The following DNAAF4 variants were observed in gnomAD, a reference collection of about 807,000 sequenced individuals.
The protein encoded by DNAAF4 is dynein axonemal assembly factor 4, also known as dynein assembly factor 4, axonemal.
A neutral mutation model predicts 51.8 loss-of-function variants in DNAAF4; 43 were observed. The observed-to-expected ratio is 0.83, with a 90% CI of 0.65 to 1.07. The LOEUF (loss-of-function observed/expected upper bound fraction) is 1.07, where lower values mean the gene tolerates loss of function less well. Ranked by LOEUF, DNAAF4 falls within the 50% of genes least tolerant of loss-of-function variation. The probability of loss-of-function intolerance (pLI) is 0.00; values close to 1 mark genes in which losing one functional copy is unlikely to be tolerated. For synonymous variants in DNAAF4, 194 were observed against 165.6 expected (o/e 1.17, Z -1.32); for missense variants, 581 against 493.0 (o/e 1.18, Z -1.69).
At position 55,497,738 on chromosome 15, in the gene DNAAF4, A is replaced by C; in HGVS notation, c.245T>G (p.Met82Arg). The change falls in exon 3 of 10, where the codon ATG becomes AGG. Residue 82 changes from methionine to arginine, a missense_variant. By Grantham distance (91) the Met-to-Arg change is moderately conservative (BLOSUM62 -1). Transcript: ENST00000321149. Reference protein sequence around the residue: ...VFTLYKKEAAMWETLSVTGVD... With the variant: ...VFTLYKKEAARWETLSVTGVD... ...ACCCGTCACAGAAAGGGTCTCCCAC[A>C]TGGCCGCTTCTTTTTTATACAAGGT... is the stretch of plus-strand genomic sequence containing the variant. 1 of 1,612,858 alleles carries C rather than the reference A, an allele frequency of 6.2e-7. No homozygotes were observed. The highest frequency in any genetic ancestry group is 8.5e-7 in the Non-Finnish European group (1 of 1,179,600).
chr15:55,422,997 A>AAAATAAAT (rs372582536), intron 7 of DNAAF4, among the ~76,000 whole-genome samples: 105 of 151,346 alleles, frequency 6.9e-4, no homozygotes, highest in East Asian at 9.9e-4. Flanking sequence ...CTCCGTCTCA[A>AAAATAAAT]AAATAAATAA....
intron 4 of DNAAF4, among the ~76,000 whole-genome samples, chr15:55,484,650 G>T (rs889876010): frequency 2.7e-4 from 41 of 152,136 alleles, no homozygotes; most frequent in African/African-American, 8.9e-4. Flanking sequence ...AGTATAGATA[G>T]ATATATATAA....
chr15:55,456,513 C>T (rs1377649005), intron 5 of DNAAF4, among the ~76,000 whole-genome samples: 1 of 152,144 alleles, frequency 6.6e-6, no homozygotes, highest in Non-Finnish European at 1.5e-5. Context: ...TAACATGCAG[C>T]TGCCACCTGG....
chr15:55,450,820 G>A (rs932518439), intron 5 of DNAAF4, among the ~76,000 whole-genome samples: 4 of 152,178 alleles, frequency 2.6e-5, no homozygotes, highest in African/African-American at 7.2e-5. Flanking sequence ...TGGCAAGGAC[G>A]GGCGCAGTGG....
chr15:55,467,675 A>T (rs1257712990), intron 4 of DNAAF4, among the ~76,000 whole-genome samples: 1 of 152,128 alleles, frequency 6.6e-6, no homozygotes, highest in Non-Finnish European at 1.5e-5. Context: ...AGGAAGAGGG[A>T]ACAGTAGAAA....
chr15:55,483,222 G>A (rs1423298784), intron 4 of DNAAF4, among the ~76,000 whole-genome samples: 2 of 151,794 alleles, frequency 1.3e-5, no homozygotes, highest in East Asian at 1.9e-4. Flanking sequence ...TCAGCCTTCC[G>A]AGTAGCTGGG....
At chr15:55,502,060 A>G (rs1174330245) in intron 1 of DNAAF4, among the ~76,000 whole-genome samples, 1 of 151,972 alleles carries the variant, frequency 6.6e-6, no homozygotes, top group Admixed American at 6.6e-5. Flanking sequence ...AAAAAAAAAA[A>G]GAAGTGGTGC....
At chr15:55,450,090 A>G (rs980433397) in intron 6 of DNAAF4, 132 bp downstream of exon 6, 1 of 1,085,222 alleles carries the variant, frequency 9.2e-7, no homozygotes, top group Non-Finnish European at 1.3e-6. Flanking sequence ...AAATTCTAAA[A>G]CATATTCATG....
intron 3 of DNAAF4, among the ~76,000 whole-genome samples, chr15:55,493,474 C>T (rs542670419): frequency 1.3e-5 from 2 of 152,220 alleles, no homozygotes; most frequent in African/African-American, 4.8e-5. Flanking sequence ...ACAGCTAAGT[C>T]AGCTTCAGCG....
intron 7 of DNAAF4, among the ~76,000 whole-genome samples, chr15:55,422,100 C>T (rs1330115839): frequency 1.3e-5 from 2 of 151,892 alleles, no homozygotes; most frequent in African/African-American, 2.4e-5. Context: ...GCATAAATAA[C>T]ATGATAACAT....
chr15:55,453,907 C>T (rs1015212140), intron 5 of DNAAF4, among the ~76,000 whole-genome samples: 25 of 151,946 alleles, frequency 1.6e-4, no homozygotes, highest in South Asian at 6.2e-4. Context: ...ACATCTTGGA[C>T]AAGTATAACA....
chr15:55,489,825 T>G (rs1356596326), intron 4 of DNAAF4, among the ~76,000 whole-genome samples: 1 of 151,650 alleles, frequency 6.6e-6, no homozygotes, highest in Non-Finnish European at 1.5e-5. Context: ...ATGCGTATTA[T>G]AGATTCCTTA....
chr15:55,485,714 G>A (rs2058477733), intron 4 of DNAAF4, among the ~76,000 whole-genome samples: 1 of 152,142 alleles, frequency 6.6e-6, no homozygotes, highest in African/African-American at 2.4e-5. Context: ...AAAGTAGGCG[G>A]CCAAGCGCAG....
At position 55,467,096 on chromosome 15, in the gene DNAAF4, T is replaced by G; in HGVS notation, c.471A>C (p.Lys157Asn). ...GATATTCTTTCCAGGCTTCCAATGC[T>G]TTAGTGGCTTTTATCCGTTCATTTT... ...MKENERIKAT[K>N]ALEAWKEYQR... The change falls in exon 5 of 10, where the codon AAA (lysine) becomes AAC (asparagine). Residue 157 changes from lysine (K) to asparagine (N), a missense_variant. Physicochemically the swap from Lys to Asn is moderately conservative, Grantham distance 94. Coordinates refer to ENST00000321149, the MANE Select transcript of DNAAF4 (RefSeq NM_130810.4). The G allele has an allele frequency of 1.9e-6, 3 of 1,549,508 alleles. No homozygotes were observed. Among genetic ancestry groups the G allele is most frequent in the Non-Finnish European group, 2.6e-6 (3 of 1,149,122 alleles).
At chr15:55,436,202 T>C (rs2057607556) in intron 7 of DNAAF4, among the ~76,000 whole-genome samples, 1 of 152,162 alleles carries the variant, frequency 6.6e-6, no homozygotes, top group Non-Finnish European at 1.5e-5. Context: ...CTAACACTTG[T>C]TATTTTCTGT....
At chr15:55,461,123 C>T (rs1449429174) in intron 5 of DNAAF4, among the ~76,000 whole-genome samples, 2 of 150,988 alleles carry the variant, frequency 1.3e-5, no homozygotes, top group Non-Finnish European at 2.9e-5. Context: ...GGCTGGAGTG[C>T]AGTGGTGCAG....
intron 1 of DNAAF4, among the ~76,000 whole-genome samples, chr15:55,500,123 C>G (rs972389241): frequency 6.6e-6 from 1 of 151,774 alleles, no homozygotes; most frequent in Non-Finnish European, 1.5e-5. Context: ...GGATTTTAAA[C>G]TTATTTACTT....
rs2057848836 is a variant in DNAAF4 at position 55,447,332 on chromosome 15, T to C, written c.783+2890A>G. Among the ~76,000 whole-genome samples the C allele has an allele frequency of 5.3e-5, 8 of 149,700 alleles. No individual in the cohort carries two copies. In the South Asian group the frequency reaches 1.5e-3, roughly 28 times the overall value. On this transcript the variant is annotated intron_variant, in intron 6 of 9. Coordinates refer to ENST00000321149, the MANE Select transcript of DNAAF4 (RefSeq NM_130810.4). ...GAGGCACTCCTCACATCCCAGACGA[T>C]GGGCGGCCAGGCAGAAATGTTCCTC...
chr15:55,435,800 T>G (rs530390807), intron 7 of DNAAF4, among the ~76,000 whole-genome samples: 3 of 152,172 alleles, frequency 2.0e-5, no homozygotes, highest in South Asian at 2.1e-4. Flanking sequence ...TGTTTGTTTG[T>G]TTTTTGAGAC....
Sources: gnomAD v4.1 joint callset for allele counts (sites outside exome capture counted in the v4.1 genomes callset) on GRCh38, gnomAD v4.1.1 for gene constraint, MANE v1.5 for transcripts, NCBI Gene and HGNC (gene_info 2026-07-23, HGNC 2026-07-21) for gene names.